The following TRPC3 variants were observed in gnomAD, a reference collection of about 807,000 sequenced individuals.
TRPC3 encodes the protein transient receptor potential cation channel subfamily C member 3, also known as short transient receptor potential channel 3.
In TRPC3, 54 loss-of-function variants were observed where a neutral mutation model predicts 90.9. The ratio of observed to expected loss-of-function variants is 0.59; its 90% CI spans 0.48 to 0.75. TRPC3 has a LOEUF of 0.75. Among genes scored for constraint, TRPC3 ranks in the 30% least tolerant of loss-of-function variants. The pLI, the probability that TRPC3 is intolerant of heterozygous loss-of-function variation, is 0.00. For missense variants in TRPC3, 918 were observed against 1,194.5 expected (o/e 0.77, Z 3.41); for synonymous variants, 424 against 450.9 (o/e 0.94, Z 0.75).
Position 121,911,875 on chromosome 4 carries a change from AC to A in TRPC3, c.1558+1del. On this transcript the variant is annotated splice_donor_variant, in intron 5 of 11. Coordinates refer to ENST00000379645, the MANE Select transcript of TRPC3 (RefSeq NM_001130698.2). LOFTEE classifies it high-confidence loss of function. ...TTAGGATATTTAAAATAAAAGACTT[AC>A]CAAGAACCCAGACCATAATTAGCAT... is the stretch of plus-strand genomic sequence containing the variant. The A allele has an allele frequency of 1.9e-6, 3 of 1,608,938 alleles. No homozygotes were observed. The highest frequency in any genetic ancestry group is 2.5e-6 in the Non-Finnish European group (3 of 1,177,698).
chr4:121,914,756 G>A (rs1560702270), intron 4 of TRPC3, 24 bp downstream of exon 4: 1 of 1,580,454 alleles, frequency 6.3e-7, no homozygotes, highest in Non-Finnish European at 8.6e-7. Context: ...CACCACAGAG[G>A]AAATAGATGT....
At chr4:121,881,916 A>G (rs527535436) in intron 11 of TRPC3, among the ~76,000 whole-genome samples, 1 of 152,270 alleles carries the variant, frequency 6.6e-6, no homozygotes, top group South Asian at 2.1e-4. Context: ...AGACAAGAAA[A>G]ACAGGTTAAA....
At position 121,877,863 on chromosome 4, in the gene TRPC3, G is replaced by C. The variant is rs1282275252; in HGVS notation, c.*1873C>G. On this transcript the variant is annotated 3_prime_UTR_variant, in exon 12 of 12. Coordinates refer to ENST00000379645, the MANE Select transcript of TRPC3 (RefSeq NM_001130698.2). The stretch of plus-strand genomic sequence containing the variant: ...TATCTTCATACTTCTCTGATCTTCA[G>C]ATTCCAAGAATCTTAGGCTGAATGT... Among the ~76,000 whole-genome samples the C allele has an allele frequency of 1.3e-5, 2 of 150,396 alleles. No homozygotes were observed. The highest frequency in any genetic ancestry group is 2.9e-5 in the Non-Finnish European group (2 of 67,860).
chr4:121,882,330 ATTTT>A lies in TRPC3; in HGVS notation c.2623+20_2623+23del. 1 of 1,590,918 alleles carries A rather than the reference ATTTT, an allele frequency of 6.3e-7. No homozygotes were observed. The highest frequency in any genetic ancestry group is 8.5e-7 in the Non-Finnish European group (1 of 1,170,144). On this transcript the variant is annotated intron_variant, in intron 11 of 11. Transcript: ENST00000379645. ...TTCATTAAGTTAGCTATAAAAGGAT[ATTTT>A]TTAAGTTGGAGATGCTTACCTTCAT...
chr4:121,884,543 C>T (rs1480093098), intron 10 of TRPC3, among the ~76,000 whole-genome samples: 1 of 152,074 alleles, frequency 6.6e-6, no homozygotes, highest in Admixed American at 6.6e-5. Flanking sequence ...AACTAAAATG[C>T]AGACATAGCG....
At chr4:121,894,391 C>T (rs1309384119) in intron 10 of TRPC3, among the ~76,000 whole-genome samples, 1 of 151,742 alleles carries the variant, frequency 6.6e-6, no homozygotes, top group African/African-American at 2.4e-5. Context: ...GAAATATATC[C>T]TAATATAATA....
At chr4:121,926,291 T>A (rs1259208395) in intron 2 of TRPC3, among the ~76,000 whole-genome samples, 1 of 152,222 alleles carries the variant, frequency 6.6e-6, no homozygotes, top group Non-Finnish European at 1.5e-5. Flanking sequence ...TCCTCACTTT[T>A]CCTTTAAAAA....
At chr4:121,895,879 C>A (rs1361820826) in intron 10 of TRPC3, among the ~76,000 whole-genome samples, 3 of 151,626 alleles carry the variant, frequency 2.0e-5, no homozygotes, top group South Asian at 2.1e-4. Context: ...AATAAGGACA[C>A]AATAAAACTA....
At chr4:121,927,731 A>G (rs1729768860) in intron 2 of TRPC3, among the ~76,000 whole-genome samples, 1 of 152,236 alleles carries the variant, frequency 6.6e-6, no homozygotes, top group East Asian at 1.9e-4. Context: ...CAGATAAAGA[A>G]CAGTTACAGT....
chr4:121,912,135 G>T, intron 4 of TRPC3, 42 bp from the exon 5 acceptor site: 1 of 1,579,460 alleles, frequency 6.3e-7, no homozygotes, highest in Non-Finnish European at 8.6e-7. Flanking sequence ...CAGAAAATCT[G>T]GCTTTCACTT....
intron 9 of TRPC3, among the ~76,000 whole-genome samples, chr4:121,902,071 A>G (rs1728723935): frequency 6.6e-6 from 1 of 152,240 alleles, no homozygotes; most frequent in East Asian, 1.9e-4. Context: ...TCACTCAGGA[A>G]GGCCTATGCT....
At chr4:121,946,376 T>G (rs1335069958) in intron 1 of TRPC3, among the ~76,000 whole-genome samples, 1 of 152,150 alleles carries the variant, frequency 6.6e-6, no homozygotes, top group Non-Finnish European at 1.5e-5. Flanking sequence ...ACACACACAG[T>G]TAGACACCGT....
At chr4:121,920,765 C>T (rs1729473890) in intron 3 of TRPC3, among the ~76,000 whole-genome samples, 1 of 152,092 alleles carries the variant, frequency 6.6e-6, no homozygotes, top group Admixed American at 6.6e-5. Context: ...TGTGACATGC[C>T]TATTCAAATC....
chr4:121,905,354 C>T (rs957609540), intron 7 of TRPC3, among the ~76,000 whole-genome samples: 4 of 151,970 alleles, frequency 2.6e-5, no homozygotes, highest in African/African-American at 4.8e-5. Context: ...GAACACATTA[C>T]CTACCTAGAA....
At chr4:121,901,689 A>G (rs573331272) in intron 9 of TRPC3, among the ~76,000 whole-genome samples, 1 of 152,330 alleles carries the variant, frequency 6.6e-6, no homozygotes, top group South Asian at 2.1e-4. Flanking sequence ...ACAAAGTTAG[A>G]CAATTGTCTA....
chr4:121,898,873 T>TA (rs887836411), intron 10 of TRPC3, among the ~76,000 whole-genome samples: 3 of 151,854 alleles, frequency 2.0e-5, no homozygotes, highest in African/African-American at 7.3e-5. Context: ...AAAATTTTCT[T>TA]AAAAAAAAGA....
Position 121,877,325 on chromosome 4 carries a change from A to G in TRPC3, c.*2411T>C, listed in dbSNP as rs553013351. Among the ~76,000 whole-genome samples the G allele has an allele frequency of 1.3e-5, 2 of 152,356 alleles. No homozygotes were observed. Among genetic ancestry groups the G allele is most frequent in the South Asian group, 2.1e-4 (1 of 4,828 alleles). On this transcript the variant is annotated 3_prime_UTR_variant, in exon 12 of 12. Transcript: ENST00000379645. ...AAAAGGCAGAGGAAGAATCTAAACC[A>G]GGATTTCATCTCAGCTTGAGTCTGG...
intron 4 of TRPC3, among the ~76,000 whole-genome samples, chr4:121,913,357 G>A (rs1330696315): frequency 1.3e-5 from 2 of 152,168 alleles, no homozygotes; most frequent in Non-Finnish European, 2.9e-5. Flanking sequence ...GGACATACAT[G>A]GAAAATTCTT....
Position 121,879,881 on chromosome 4 carries a change from A to G in TRPC3, c.2624-3T>C. The G allele has an allele frequency of 6.5e-7, 1 of 1,532,436 alleles. No individual in the cohort carries two copies. Among genetic ancestry groups the G allele is most frequent in the Non-Finnish European group, 8.7e-7 (1 of 1,149,012 alleles). The allele number at this position is 1,532,436 out of a possible 1,614,324, so 94.9% of individuals were successfully genotyped here. A position where few individuals can be genotyped will look rare whatever the true frequency, so the allele number is the denominator to read the frequency against. ...TTGCTTGATTTCTTTTAATTCACCTATAGTATTGATATTAAAAAATTATTG... is the reference window on the plus strand; with the variant it reads ...TTGCTTGATTTCTTTTAATTCACCTGTAGTATTGATATTAAAAAATTATTG... On this transcript the variant is annotated splice_polypyrimidine_tract_variant and splice_region_variant and intron_variant, in intron 11 of 11. Transcript: ENST00000379645.
Sources: gnomAD v4.1 joint callset for allele counts (sites outside exome capture counted in the v4.1 genomes callset) on GRCh38, gnomAD v4.1.1 for gene constraint, MANE v1.5 for transcripts, NCBI Gene and HGNC (gene_info 2026-07-23, HGNC 2026-07-21) for gene names.